RAD50: variants seen among roughly 807,000 people sequenced by gnomAD.
RAD50 encodes the protein DNA repair protein RAD50.
RAD50 carries 132 observed loss-of-function variants against 168.8 expected under a neutral mutation model. The ratio of observed to expected loss-of-function variants is 0.78; its 90% CI spans 0.68 to 0.90. The LOEUF (loss-of-function observed/expected upper bound fraction) is 0.90. Ranked by LOEUF, RAD50 falls within the 40% of genes least tolerant of loss-of-function variation. The probability of loss-of-function intolerance (pLI) is 0.00; values close to 1 mark genes in which losing one functional copy is unlikely to be tolerated. For synonymous variants in RAD50, 525 were observed against 497.4 expected, an observed-to-expected ratio of 1.06 and a Z score of -0.74; for missense variants, 1,347 against 1,534.4, an observed-to-expected ratio of 0.88 and a Z score of 2.04.
intron 13 of RAD50, among the ~76,000 whole-genome samples, chr5:132,597,658 A>T (rs573763898): frequency 1.3e-5 from 2 of 152,234 alleles, no homozygotes; most frequent in African/African-American, 2.4e-5. Flanking sequence ...GTCCTGGCTG[A>T]CAGCTTGATT....
chr5:132,606,261 A>G (rs1750983665), intron 16 of RAD50, among the ~76,000 whole-genome samples: 1 of 152,216 alleles, frequency 6.6e-6, no homozygotes, highest in South Asian at 2.1e-4. Flanking sequence ...GAAGAATCAA[A>G]TAGATGCAAT....
At chr5:132,621,181 T>C (rs1751277852) in intron 21 of RAD50, among the ~76,000 whole-genome samples, 1 of 152,202 alleles carries the variant, frequency 6.6e-6, no homozygotes, top group Non-Finnish European at 1.5e-5. Flanking sequence ...CAGTATCACC[T>C]TGGAACATGT....
Position 132,557,477 on chromosome 5 carries a change from A to G in RAD50, c.129+24A>G, listed in dbSNP as rs1445629586. On this transcript the variant is annotated intron_variant, in intron 1 of 24. Transcript: ENST00000378823. ...CGGTAAGTCTTCAGTAGCCGCCTTC[A>G]GTTTACAGGTCGCTACATCTTTCGG... 3.1e-6 allele frequency: 5 copies of G among 1,613,744 alleles called. No individual in the cohort carries two copies. In the African/African-American group the frequency reaches 6.7e-5, roughly 22 times the overall value.
At chr5:132,588,930 C>T (rs1750647999) in intron 8 of RAD50, 50 bp downstream of exon 8, 3 of 1,540,198 alleles carry the variant, frequency 1.9e-6, no homozygotes, top group African/African-American at 2.8e-5. Context: ...ATCATATTCT[C>T]TACTTGAATT....
chr5:132,620,404 G>C (rs2149855150), intron 21 of RAD50, among the ~76,000 whole-genome samples: 1 of 152,086 alleles, frequency 6.6e-6, no homozygotes, highest in East Asian at 1.9e-4. Context: ...GTTGGCCTGG[G>C]TTCTCTGTTC....
In RAD50 at chr5:132,599,844, C is replaced by T. The variant is rs550999906; in HGVS notation, c.2208-3456C>T. Among the ~76,000 whole-genome samples the T allele has an allele frequency of 3.4e-4, 52 of 152,144 alleles. 2 individuals are homozygous for T. In the South Asian group the frequency reaches 0.01, roughly 30 times the overall value. ...ATGTTACTTAACCCATTTGGGCCTTCGTATCCCCCACGTAAAGTGAGGGGA... is the reference window on the plus strand; with the variant it reads ...ATGTTACTTAACCCATTTGGGCCTTTGTATCCCCCACGTAAAGTGAGGGGA... On this transcript the variant is annotated intron_variant, in intron 13 of 24. Coordinates refer to ENST00000378823, the MANE Select transcript of RAD50 (RefSeq NM_005732.4).
intron 19 of RAD50, among the ~76,000 whole-genome samples, chr5:132,615,392 T>TA (rs1751158006): frequency 6.6e-6 from 1 of 152,232 alleles, no homozygotes; most frequent in Non-Finnish European, 1.5e-5. Context: ...TGGCACTTCT[T>TA]ACTGCCTTGA....
At chr5:132,639,996 C>T (rs1390339301) in intron 23 of RAD50, among the ~76,000 whole-genome samples, 1 of 152,304 alleles carries the variant, frequency 6.6e-6, no homozygotes, top group East Asian at 1.9e-4. Context: ...AATAGCCCTA[C>T]TCTCTCAATT....
At chr5:132,609,532 T>G (rs746787572) in intron 19 of RAD50, 136 bp downstream of exon 19, 1 of 1,405,452 alleles carries the variant, frequency 7.1e-7, no homozygotes, top group Non-Finnish European at 9.5e-7. Context: ...CTGTAATCCC[T>G]GCACTTTGGA....
chr5:132,617,843 A>C (rs976204457), intron 20 of RAD50, among the ~76,000 whole-genome samples: 1 of 152,218 alleles, frequency 6.6e-6, no homozygotes, highest in Non-Finnish European at 1.5e-5. Flanking sequence ...TCTGTAATAC[A>C]CAAAATTAGC....
chr5:132,633,903 T>G (rs866408436), intron 21 of RAD50, among the ~76,000 whole-genome samples: 1,754 of 86,196 alleles, frequency 0.02, 41 homozygotes, highest in African/African-American at 0.092. Context: ...CGGGTAATAA[T>G]TTTTTTTTTA....
intron 2 of RAD50, among the ~76,000 whole-genome samples, chr5:132,560,438 A>G (rs1259820101): frequency 6.6e-6 from 1 of 152,200 alleles, no homozygotes; most frequent in Non-Finnish European, 1.5e-5. Flanking sequence ...AGTATTTAGT[A>G]CATTTACTGA....
chr5:132,595,292 T>A lies in RAD50; in HGVS notation c.1969+248T>A, dbSNP rs562581032. On this transcript the variant is annotated intron_variant, in intron 12 of 24. Coordinates refer to ENST00000378823, the MANE Select transcript of RAD50 (RefSeq NM_005732.4). ...TACTGAGGTGTGAATGAGATTGTAA[T>A]TATAAAGCCCTTAGAACAGTGCCTG... The A allele has an allele frequency of 6.9e-6, 4 of 575,942 alleles. No homozygotes were observed. In the South Asian group the frequency reaches 8.4e-5, roughly 12 times the overall value. 35.7% of individuals were successfully genotyped at this position (575,942 alleles called of 1,614,324 possible).
chr5:132,559,212 A>C (rs1750076166), intron 1 of RAD50, 72 bp from the exon 2 acceptor site: 1 of 1,354,622 alleles, frequency 7.4e-7, no homozygotes, highest in Non-Finnish European at 1.0e-6. Flanking sequence ...TATTTTTGTA[A>C]TGAATTCATA....
Position 132,631,842 on chromosome 5 carries a change from A to T in RAD50, c.3390-5273A>T, listed in dbSNP as rs1322356964. ...CACCTTAGCTTCCCAAAGTGCTGGG[A>T]TTGCAGGTGTGAGCCACCGCACCCA... On this transcript the variant is annotated intron_variant, in intron 21 of 24. Coordinates refer to ENST00000378823, the MANE Select transcript of RAD50 (RefSeq NM_005732.4). Among the ~76,000 whole-genome samples, 7 of 152,224 alleles carry T rather than the reference A, an allele frequency of 4.6e-5. No individual in the cohort carries two copies. The South Asian group carries it at 1.4e-3, about 32-fold the overall frequency.
chr5:132,618,262 G>A lies in RAD50; in HGVS notation c.3357G>A (p.Lys1119=). ...TGAGGACAACAGAACTTGTGAACAA[G>A]GATCTGGATATTTATTATAAGACTC... ...IVMRTTELVN[K]DLDIYYKTLD... The change falls in exon 21 of 25, where the codon AAG becomes AAA. Residue 1119 remains lysine, a synonymous_variant. Transcript: ENST00000378823. 6.2e-7 allele frequency: 1 copy of A among 1,613,980 alleles called. No individual in the cohort carries two copies. Among genetic ancestry groups the A allele is most frequent in the Non-Finnish European group, 8.5e-7 (1 of 1,179,958 alleles).
intron 7 of RAD50, 115 bp from the exon 8 acceptor site, chr5:132,588,571 TG>T (rs2149840881): frequency 9.3e-7 from 1 of 1,072,286 alleles, no homozygotes; most frequent in Non-Finnish European, 1.3e-6. Context: ...TGGGAGAAAC[TG>T]GGCAAAATGT....
intron 7 of RAD50, 103 bp from the exon 8 acceptor site, chr5:132,588,584 C>T (rs2149840890): frequency 8.3e-7 from 1 of 1,201,216 alleles, no homozygotes; most frequent in Non-Finnish European, 1.2e-6. Flanking sequence ...GCAAAATGTA[C>T]AAGAGACACA....
intron 20 of RAD50, among the ~76,000 whole-genome samples, 168 bp from the exon 21 acceptor site, chr5:132,617,895 AGGGGTTT>A (rs1445072228): frequency 6.6e-6 from 1 of 152,188 alleles, no homozygotes; most frequent in East Asian, 1.9e-4. Flanking sequence ...GAAGGAAGAG[AGGGGTTT>A]TCTTTAGTAC....
Sources: gnomAD v4.1 joint callset for allele counts (sites outside exome capture counted in the v4.1 genomes callset) on GRCh38, gnomAD v4.1.1 for gene constraint, MANE v1.5 for transcripts, NCBI Gene and HGNC (gene_info 2026-07-23, HGNC 2026-07-21) for gene names.